The following ZNF277 variants were observed in gnomAD, a reference collection of about 807,000 sequenced individuals.
ZNF277 encodes the protein zinc finger protein 277.
ZNF277 carries 55 observed loss-of-function variants against 60.7 expected under a neutral mutation model. That is an observed-to-expected ratio of 0.91 (90% CI 0.73 to 1.13). The LOEUF (loss-of-function observed/expected upper bound fraction) is 1.13, where lower values mean the gene tolerates loss of function less well. Among genes scored for constraint, ZNF277 ranks in the 50% most tolerant of loss-of-function variants. ZNF277 has a pLI of 0.00. For missense variants in ZNF277, 510 were observed against 523.0 expected (o/e 0.98, Z 0.24); for synonymous variants, 178 against 179.3 (o/e 0.99, Z 0.06).
Position 112,255,778 on chromosome 7 carries a change from C to G in ZNF277, c.92-31095C>G, listed in dbSNP as rs142204480. On this transcript the variant is annotated intron_variant, in intron 1 of 11. Transcript: ENST00000361822. The stretch of plus-strand genomic sequence containing the variant: ...CTTATTGGAGTCAAATCACTGAATA[C>G]TAATAACATTCAGTTTTGTGAATAT... Among the ~76,000 whole-genome samples the G allele has an allele frequency of 8.1e-3, 1,234 of 152,334 alleles. 13 individuals are homozygous for G. Among genetic ancestry groups the G allele is most frequent in the Middle Eastern group, 0.017 (5 of 294 alleles).
intron 1 of ZNF277, among the ~76,000 whole-genome samples, chr7:112,282,715 G>A (rs981252378): frequency 2.2e-4 from 34 of 152,156 alleles, no homozygotes; most frequent in African/African-American, 8.0e-4. Context: ...TCTCATATCA[G>A]TTTAGAACAT....
At chr7:112,304,882 T>G (rs1792554712) in intron 4 of ZNF277, among the ~76,000 whole-genome samples, 1 of 152,136 alleles carries the variant, frequency 6.6e-6, no homozygotes, top group African/African-American at 2.4e-5. Context: ...ACTTTCAAAT[T>G]TATTTAGAAT....
intron 1 of ZNF277, among the ~76,000 whole-genome samples, chr7:112,230,646 C>T (rs1348523540): frequency 1.3e-5 from 2 of 152,116 alleles, no homozygotes; most frequent in Non-Finnish European, 2.9e-5. Flanking sequence ...TGGAAATCTG[C>T]ACTTTTAAAT....
intron 1 of ZNF277, among the ~76,000 whole-genome samples, chr7:112,228,454 CTTTTTTTTT>C (rs71150013): frequency 0.02 from 719 of 36,436 alleles, 9 homozygotes; most frequent in African/African-American, 0.067. Context: ...GAGGAGAGGC[CTTTTTTTTT>C]TTTTTTTTTT....
At chr7:112,307,316 G>A (rs1027349573) in intron 4 of ZNF277, among the ~76,000 whole-genome samples, 1 of 151,978 alleles carries the variant, frequency 6.6e-6, no homozygotes, top group African/African-American at 2.4e-5. Flanking sequence ...CTCTGTGTTC[G>A]TGTCTCTCTT....
In ZNF277 at chr7:112,330,097, T is replaced by C. The variant is rs1238234667; in HGVS notation, c.682T>C (p.Tyr228His). The change falls in exon 7 of 12, where the codon TAC becomes CAC. Residue 228 changes from tyrosine (Y) to histidine (H), a missense_variant. Transcript: ENST00000361822. Reference sequence around the variant, plus strand: ...TATTTCTTGTAGTTTGCAGTGCTTGTACTGTGAGAAGACCTTCAGGGACAA... The same window carrying C: ...TATTTCTTGTAGTTTGCAGTGCTTGCACTGTGAGAAGACCTTCAGGGACAA... ...QKKLDNLQCL[Y>H]CEKTFRDKNT... 1.9e-6 allele frequency: 3 copies of C among 1,613,318 alleles called. No homozygotes were observed. Among genetic ancestry groups the C allele is most frequent in the Non-Finnish European group, 2.5e-6 (3 of 1,179,754 alleles).
At chr7:112,269,508 C>A (rs1172463202) in intron 1 of ZNF277, among the ~76,000 whole-genome samples, 1 of 152,026 alleles carries the variant, frequency 6.6e-6, no homozygotes, top group Admixed American at 6.6e-5. Flanking sequence ...CAGGGAGGTA[C>A]AAAGCCTCAT....
At chr7:112,334,185 G>A (rs1178127419) in intron 7 of ZNF277, among the ~76,000 whole-genome samples, 1 of 152,092 alleles carries the variant, frequency 6.6e-6, no homozygotes, top group African/African-American at 2.4e-5. Flanking sequence ...ATGTAAGTGT[G>A]TATGTATTAG....
At chr7:112,260,257 C>A (rs906346045) in intron 1 of ZNF277, among the ~76,000 whole-genome samples, 10 of 152,174 alleles carry the variant, frequency 6.6e-5, no homozygotes, top group Admixed American at 4.6e-4. Flanking sequence ...AGGAGTGAGA[C>A]CCTGTCTCAA....
At chr7:112,250,033 A>G (rs1363438290) in intron 1 of ZNF277, among the ~76,000 whole-genome samples, 1 of 152,238 alleles carries the variant, frequency 6.6e-6, no homozygotes, top group Non-Finnish European at 1.5e-5. Context: ...GCCGGGCGGA[A>G]CAGAGCCATA....
At chr7:112,229,961 T>C (rs774984816) in intron 1 of ZNF277, among the ~76,000 whole-genome samples, 4 of 152,110 alleles carry the variant, frequency 2.6e-5, no homozygotes, top group Non-Finnish European at 4.4e-5. Context: ...ACCTGCTTTT[T>C]ACTAAAACCT....
At chr7:112,298,085 T>G (rs2117080176) in intron 4 of ZNF277, among the ~76,000 whole-genome samples, 1 of 152,326 alleles carries the variant, frequency 6.6e-6, no homozygotes, top group Middle Eastern at 3.4e-3. Flanking sequence ...AATTTCTGCT[T>G]AAGTAGATGC....
At chr7:112,207,703 A>G (rs1563190270) in intron 1 of ZNF277, among the ~76,000 whole-genome samples, 1 of 148,976 alleles carries the variant, frequency 6.7e-6, no homozygotes, top group Non-Finnish European at 1.5e-5. Context: ...TCTTTTTCTG[A>G]TGAACATGGT....
At position 112,340,910 on chromosome 7, in the gene ZNF277, A is replaced by G. The variant is rs761656092; in HGVS notation, c.1048A>G (p.Ile350Val). ...TCAGCAAGTGAAACTGGTCAATTTT[A>G]TTCGGAGGCAAGTTCACCAATGCAG... ...FYQQVKLVNF[I>V]RRQVHQCRCY... Residue 350 changes from isoleucine (I) to valine (V), a missense_variant, in exon 11 of 12, where the codon ATT (isoleucine) becomes GTT (valine). Physicochemically the swap from Ile to Val is conservative, Grantham distance 29. Coordinates refer to ENST00000361822, the MANE Select transcript of ZNF277 (RefSeq NM_021994.3). The G allele has an allele frequency of 1.2e-6, 2 of 1,611,800 alleles. No individual in the cohort carries two copies. Among genetic ancestry groups the G allele is most frequent in the African/African-American group, 2.7e-5 (2 of 74,882 alleles).
chr7:112,289,193 A>G (rs1049286059), intron 2 of ZNF277, among the ~76,000 whole-genome samples: 3 of 152,176 alleles, frequency 2.0e-5, no homozygotes, highest in East Asian at 1.9e-4. Flanking sequence ...ATTTCATTCA[A>G]GTTTCTAAAT....
At chr7:112,319,039 T>A (rs543884710) in intron 5 of ZNF277, among the ~76,000 whole-genome samples, 10 of 152,258 alleles carry the variant, frequency 6.6e-5, no homozygotes, top group Admixed American at 5.2e-4. Context: ...TTCTGAATCC[T>A]CTTCCCAAGG....
chr7:112,232,302 G>A (rs554612471), intron 1 of ZNF277, among the ~76,000 whole-genome samples: 3 of 152,122 alleles, frequency 2.0e-5, no homozygotes, highest in Admixed American at 2.0e-4. Flanking sequence ...GAAACCCTGT[G>A]GAATGGACAA....
At chr7:112,289,493 C>T (rs771182355) in intron 2 of ZNF277, among the ~76,000 whole-genome samples, 3 of 152,234 alleles carry the variant, frequency 2.0e-5, no homozygotes, top group Non-Finnish European at 2.9e-5. Flanking sequence ...ATAGGACATA[C>T]TCTCTGCTCC....
intron 1 of ZNF277, among the ~76,000 whole-genome samples, chr7:112,268,182 G>T (rs1397466227): frequency 6.6e-6 from 1 of 152,078 alleles, no homozygotes; most frequent in Non-Finnish European, 1.5e-5. Flanking sequence ...AAAGGAAGCA[G>T]AGTTGACCTT....
Sources: gnomAD v4.1 joint callset for allele counts (sites outside exome capture counted in the v4.1 genomes callset) on GRCh38, gnomAD v4.1.1 for gene constraint, MANE v1.5 for transcripts, NCBI Gene and HGNC (gene_info 2026-07-23, HGNC 2026-07-21) for gene names.